Variants in ACKR2 observed in about 807,000 individuals in gnomAD.
ACKR2 encodes atypical chemokine receptor 2.
For missense variants in ACKR2, 457 were observed against 477.3 expected (o/e 0.96, Z 0.40); for synonymous variants, 207 against 192.2 (o/e 1.08, Z -0.64).
At position 42,810,390 on chromosome 3, in the gene ACKR2, A is replaced by G. The variant is rs566823801; in HGVS notation, c.-119+858A>G. On this transcript the variant is annotated intron_variant, in intron 1 of 2. Transcript: ENST00000422265. ...CTTCAAATAATCTGATCAATCTTTT[A>G]TTCTTTAATTCATAGTACCCCCCCC... Among the ~76,000 whole-genome samples, 10 of 151,236 alleles carry G rather than the reference A, an allele frequency of 6.6e-5. No individual in the cohort carries two copies. In the South Asian group the frequency reaches 2.1e-3, roughly 32 times the overall value.
At chr3:42,837,796 T>C (rs1701000275) in intron 2 of ACKR2, among the ~76,000 whole-genome samples, 1 of 152,194 alleles carries the variant, frequency 6.6e-6, no homozygotes, top group Non-Finnish European at 1.5e-5. Flanking sequence ...AAATATACGC[T>C]GTAGGCAATA....
chr3:42,848,455 C>T (rs1701120897), intron 2 of ACKR2, among the ~76,000 whole-genome samples: 1 of 151,978 alleles, frequency 6.6e-6, no homozygotes. Context: ...GAGACTCAAG[C>T]CATCTACCTG....
intron 1 of ACKR2, among the ~76,000 whole-genome samples, chr3:42,810,701 A>C (rs775005489): frequency 4.6e-5 from 7 of 152,258 alleles, no homozygotes; most frequent in Non-Finnish European, 1.0e-4. Context: ...ACTTGCGTCA[A>C]AAATAAAGGC....
At chr3:42,860,490 A>T (rs576729308) in intron 2 of ACKR2, among the ~76,000 whole-genome samples, 97 of 152,310 alleles carry the variant, frequency 6.4e-4, no homozygotes, top group African/African-American at 2.2e-3. Flanking sequence ...TCACCTCTGG[A>T]CCAAGTGGAC....
At chr3:42,864,242 G>T (rs2088410901) in intron 2 of ACKR2, among the ~76,000 whole-genome samples, 1 of 152,184 alleles carries the variant, frequency 6.6e-6, no homozygotes, top group Admixed American at 6.5e-5. Context: ...AAGAGTAAGT[G>T]TCCCAGAGTA....
At chr3:42,836,881 C>T (rs765548088) in intron 2 of ACKR2, among the ~76,000 whole-genome samples, 2 of 152,206 alleles carry the variant, frequency 1.3e-5, no homozygotes, top group African/African-American at 2.4e-5. Context: ...ATCTTGCTTA[C>T]TGTCATAGTT....
At chr3:42,826,648 A>G (rs1323435137) in intron 2 of ACKR2, among the ~76,000 whole-genome samples, 1 of 151,974 alleles carries the variant, frequency 6.6e-6, no homozygotes, top group Non-Finnish European at 1.5e-5. Context: ...AATTAGTTAA[A>G]AGTTTGTCAG....
At chr3:42,841,749 A>G (rs563273638) in intron 2 of ACKR2, 1 of 152,262 alleles carries the variant, frequency 6.6e-6, no homozygotes, top group Non-Finnish European at 1.5e-5. Flanking sequence ...ATTTACCTCC[A>G]GATGAATTAA....
rs2088426178 is a variant in ACKR2, at chr3:42,865,413, A to G, written c.911A>G (p.His304Arg). The G allele has an allele frequency of 6.2e-7, 1 of 1,613,964 alleles. No homozygotes were observed. The highest frequency in any genetic ancestry group is 1.3e-5 in the African/African-American group (1 of 74,958). Residue 304 changes from histidine (H) to arginine (R), a missense_variant, in exon 3 of 3, where the codon CAC (histidine) becomes CGC (arginine). Physicochemically the swap from His to Arg is conservative, Grantham distance 29. Transcript: ENST00000422265. Reference sequence around the variant, plus strand: ...GTAACAGAGAGCATCGCCTTCCTTCACTGCTGCTTTTCCCCCATCCTGTAT... The same window carrying G: ...GTAACAGAGAGCATCGCCTTCCTTCGCTGCTGCTTTTCCCCCATCCTGTAT... ...LQVTESIAFL[H>R]CCFSPILYAF...
intron 2 of ACKR2, among the ~76,000 whole-genome samples, chr3:42,825,531 A>G (rs1488230393): frequency 6.6e-6 from 1 of 151,468 alleles, no homozygotes; most frequent in Non-Finnish European, 1.5e-5. Context: ...CTTTTTGTAT[A>G]TTGATCTTGT....
intron 1 of ACKR2, among the ~76,000 whole-genome samples, chr3:42,819,319 G>A (rs2125603561): frequency 6.6e-6 from 1 of 152,204 alleles, no homozygotes; most frequent in South Asian, 2.1e-4. Context: ...ATCTATATTT[G>A]TATAAGTATG....
In ACKR2 at chr3:42,866,031, CAGTGG is replaced by C; in HGVS notation, c.*375_*379del. 1.0e-4 allele frequency: 20 copies of C among 200,068 alleles called. No individual in the cohort carries two copies. The highest frequency in any genetic ancestry group is 2.6e-4 in the East Asian group (2 of 7,562). The allele number at this position is 200,068 out of a possible 1,614,324, so 12.4% of individuals were successfully genotyped here. On this transcript the variant is annotated 3_prime_UTR_variant, in exon 3 of 3. Transcript: ENST00000422265. ...TTGCTCTGTCACCCAGGCTGGAATGCAGTGGCGAGATCTCCGCTCACTGTAGCCTC... is the reference window on the plus strand; with the variant it reads ...TTGCTCTGTCACCCAGGCTGGAATGCCGAGATCTCCGCTCACTGTAGCCTC...
At chr3:42,821,381 G>A (rs973938380) in intron 2 of ACKR2, among the ~76,000 whole-genome samples, 2 of 152,138 alleles carry the variant, frequency 1.3e-5, no homozygotes, top group Non-Finnish European at 1.5e-5. Flanking sequence ...AACAGCACAC[G>A]CACACAGGAG....
At chr3:42,816,199 TG>T (rs1700748049) in intron 1 of ACKR2, among the ~76,000 whole-genome samples, 12 of 149,972 alleles carry the variant, frequency 8.0e-5, no homozygotes, top group Admixed American at 7.9e-4. Context: ...CGTGTGTGTG[TG>T]TGTGTGTGTG....
intron 2 of ACKR2, among the ~76,000 whole-genome samples, chr3:42,827,979 TA>T (rs1158951440): frequency 6.6e-6 from 1 of 151,122 alleles, no homozygotes; most frequent in East Asian, 1.9e-4. Flanking sequence ...AAATAAACCA[TA>T]AGCCTGCAAA....
At chr3:42,823,778 G>A (rs35247064) in intron 2 of ACKR2, among the ~76,000 whole-genome samples, 32,602 of 152,162 alleles carry the variant, frequency 0.21, 4,443 homozygotes, top group Non-Finnish European at 0.31. Context: ...TTTGTGCTCT[G>A]CTTTTCTCCC....
intron 2 of ACKR2, among the ~76,000 whole-genome samples, chr3:42,820,285 T>C (rs1330625479): frequency 6.6e-6 from 1 of 152,148 alleles, no homozygotes; most frequent in Non-Finnish European, 1.5e-5. Context: ...GTTGATGTTT[T>C]TGCTCAGGGA....
chr3:42,814,118 T>C (rs1358310672), intron 1 of ACKR2, among the ~76,000 whole-genome samples: 1 of 152,248 alleles, frequency 6.6e-6, no homozygotes, highest in Admixed American at 6.5e-5. Flanking sequence ...CATAATCAGA[T>C]GATTCAGTCA....
At chr3:42,826,463 C>T (rs1354300547) in intron 2 of ACKR2, among the ~76,000 whole-genome samples, 3 of 151,746 alleles carry the variant, frequency 2.0e-5, no homozygotes, top group African/African-American at 7.3e-5. Context: ...TTTCTTTTTC[C>T]TCTTGAGAGA....
Sources: allele counts gnomAD v4.1 joint callset (sites outside exome capture counted in the v4.1 genomes callset), GRCh38; gene constraint gnomAD v4.1.1; transcripts MANE v1.5; gene names NCBI Gene and HGNC (gene_info 2026-07-23, HGNC 2026-07-21).